The following RGS3 variants were observed in gnomAD, a reference collection of about 807,000 sequenced individuals.
RGS3 encodes regulator of G-protein signalling 3.
In RGS3, 80 loss-of-function variants were observed where a neutral mutation model predicts 132.6. That is an observed-to-expected ratio of 0.60 (90% CI 0.50 to 0.73). The LOEUF is 0.73. Ranked by LOEUF, RGS3 falls within the 30% of genes least tolerant of loss-of-function variation. The pLI is 0.00. For synonymous variants in RGS3, 598 were observed against 620.6 expected (o/e 0.96, Z 0.54); for missense variants, 1,382 against 1,530.8 (o/e 0.90, Z 1.62).
intron 3 of RGS3, among the ~76,000 whole-genome samples, chr9:113,476,619 C>A (rs1355833036): frequency 1.3e-5 from 2 of 152,198 alleles, no homozygotes; most frequent in Non-Finnish European, 1.5e-5. Context: ...CAGTGTGGTG[C>A]AAACTCATCT....
intron 3 of RGS3, among the ~76,000 whole-genome samples, chr9:113,468,191 A>T (rs1202879606): frequency 6.6e-6 from 1 of 152,206 alleles, no homozygotes; most frequent in Non-Finnish European, 1.5e-5. Flanking sequence ...TTTGGCTCTT[A>T]TATTTAGGTC....
intron 23 of RGS3, 111 bp downstream of exon 21, chr9:113,595,091 C>A: frequency 2.0e-6 from 2 of 1,018,470 alleles, no homozygotes; most frequent in Non-Finnish European, 3.0e-6. Flanking sequence ...TCTCCTCGGC[C>A]GTCAGGGTGT....
rs1831130751 is a variant in RGS3 at position 113,506,322 on chromosome 9, C to G, written c.980-66C>G. 1.0e-6 allele frequency: 1 copy of G among 998,634 alleles called. No individual in the cohort carries two copies. The highest frequency in any genetic ancestry group is 1.5e-6 in the Non-Finnish European group (1 of 646,300). 61.9% of individuals were successfully genotyped at this position (998,634 alleles called of 1,614,324 possible). A position where few individuals can be genotyped will look rare whatever the true frequency, so the allele number is the denominator to read the frequency against. ...CTGAGGTCACCATGGCAGCAAAGGA[C>G]TCCAGATCCTTTGAAGGGGTCTTAG... On this transcript the variant is annotated intron_variant, in intron 11 of 24. Coordinates refer to ENST00000350696, the Ensembl canonical transcript of RGS3. The surrounding 1 kb of genome is among the most constrained non-coding windows in gnomAD (Gnocchi z 4.7).
intron 15 of RGS3, among the ~76,000 whole-genome samples, chr9:113,516,202 A>T (rs1831651844): frequency 6.6e-6 from 1 of 152,188 alleles, no homozygotes; most frequent in Non-Finnish European, 1.5e-5. Flanking sequence ...CAGTAGGCAC[A>T]CTTTGTTAGG....
At chr9:113,578,569 T>A (rs1352246387) in intron 19 of RGS3, among the ~76,000 whole-genome samples, 1 of 151,682 alleles carries the variant, frequency 6.6e-6, no homozygotes, top group Non-Finnish European at 1.5e-5. Flanking sequence ...TCTGAGCTGG[T>A]GGCGGAGGAA....
chr9:113,537,410 G>A lies in RGS3; in HGVS notation c.2037+492G>A, dbSNP rs1386921105. ...TGAGTGTGGACTGCTGGGGTCTGGG[G>A]ACTGGCTGGCAGGAGCACCGGGGAA... is the stretch of plus-strand genomic sequence containing the variant. On this transcript the variant is annotated intron_variant, in intron 19 of 24. Coordinates refer to ENST00000350696, the Ensembl canonical transcript of RGS3. This position sits in a 1 kb window ranked among gnomAD's most constrained non-coding sequence, Gnocchi z 4.3. 6.6e-6 allele frequency among the ~76,000 whole-genome samples: 1 copy of A among 152,178 alleles called. No individual in the cohort carries two copies. The highest frequency in any genetic ancestry group is 1.5e-5 in the Non-Finnish European group (1 of 68,016).
chr9:113,541,386 G>T (rs768695309), intron 19 of RGS3: 9 of 1,613,684 alleles, frequency 5.6e-6, no homozygotes, highest in African/African-American at 1.3e-5. Context: ...TGCCACCCAG[G>T]ATAGAAGCTT....
intron 7 of RGS3, among the ~76,000 whole-genome samples, chr9:113,493,163 C>T (rs1830574147): frequency 6.6e-6 from 1 of 152,186 alleles, no homozygotes; most frequent in Non-Finnish European, 1.5e-5. Flanking sequence ...AATGGCAGCT[C>T]AGATTAGTTT....
intron 1 of RGS3, among the ~76,000 whole-genome samples, chr9:113,460,920 C>T (rs1003806377): frequency 2.6e-5 from 4 of 151,984 alleles, no homozygotes; most frequent in East Asian, 1.9e-4. Context: ...AATCATTGCT[C>T]GATACTTTAT....
rs933519268 is a variant in RGS3, at chr9:113,498,064, A to G, written c.881A>G (p.Asn294Ser). ...ATGCCAGGAGGTGGGGACACTGAGA[A>G]TGGGAAGAAACTAAAGGTAGGTGGG... is the stretch of plus-strand genomic sequence containing the variant. Residue 294 changes from asparagine to serine, a missense_variant, in exon 10 of 25, where the codon AAT becomes AGT. Coordinates refer to ENST00000350696, the Ensembl canonical transcript of RGS3. The G allele has an allele frequency of 3.7e-6, 6 of 1,613,846 alleles. No homozygotes were observed. The Admixed American group carries it at 5.0e-5, about 13-fold the overall frequency.
At chr9:113,468,026 A>G (rs1417672325) in intron 3 of RGS3, among the ~76,000 whole-genome samples, 1 of 152,250 alleles carries the variant, frequency 6.6e-6, no homozygotes, top group African/African-American at 2.4e-5. Context: ...GTGTCCAGCC[A>G]GAACCCCAAA....
chr9:113,576,628 C>T (rs976057867), intron 19 of RGS3, among the ~76,000 whole-genome samples: 7 of 152,168 alleles, frequency 4.6e-5, no homozygotes, highest in South Asian at 4.1e-4. Flanking sequence ...CCGCACCCAG[C>T]GATTGTTCTT....
At chr9:113,501,705 C>T in intron 10 of RGS3, 1 of 1,410,452 alleles carries the variant, frequency 7.1e-7, no homozygotes, top group Non-Finnish European at 9.7e-7. Context: ...TGAGAAGGAT[C>T]TCGCTCCTCA....
At chr9:113,520,734 G>A (rs1479698945) in intron 16 of RGS3, among the ~76,000 whole-genome samples, 2 of 151,740 alleles carry the variant, frequency 1.3e-5, no homozygotes, top group Admixed American at 6.6e-5. Flanking sequence ...TCCATTGCTC[G>A]GACTTTGAAG....
chr9:113,594,053 C>T (rs771389738), intron 21 of RGS3: 48 of 1,612,786 alleles, frequency 3.0e-5, no homozygotes, highest in Middle Eastern at 1.6e-4. Flanking sequence ...TTTTTTTTTC[C>T]GCTCCCCCTC....
At chr9:113,558,466 G>T (rs539823407) in intron 19 of RGS3, among the ~76,000 whole-genome samples, 2 of 152,280 alleles carry the variant, frequency 1.3e-5, no homozygotes, top group Admixed American at 1.3e-4. Flanking sequence ...TTGTGCCATT[G>T]CACTCCAGCC....
At chr9:113,541,911 T>G (rs949243170) in intron 19 of RGS3, 107 of 965,496 alleles carry the variant, frequency 1.1e-4, no homozygotes, top group Non-Finnish European at 1.3e-4. Flanking sequence ...TGCCAGGCTC[T>G]ATGCTAGGAG....
chr9:113,456,451 T>C (rs1322297553), upstream of RGS3, among the ~76,000 whole-genome samples: 1 of 152,178 alleles, frequency 6.6e-6, no homozygotes, highest in African/African-American at 2.4e-5. Flanking sequence ...TTCTAAACAA[T>C]TTCTCAAGCC....
rs764434932 is a variant in RGS3 at position 113,497,392 on chromosome 9, CG to C, written c.831del (p.Pro278ArgfsTer2). On this transcript the variant is annotated frameshift_variant, in exon 9 of 25. Transcript: ENST00000350696. LOFTEE classifies it high-confidence loss of function. The stretch of plus-strand genomic sequence containing the variant: ...CTTGAAGGTGGCCAGGCGGCGACTG[CG>C]GCCGCTGAGAGGTACCTGCACACCC... The C allele has an allele frequency of 1.9e-5, 30 of 1,613,144 alleles. No homozygotes were observed. In the South Asian group the frequency reaches 3.3e-4, roughly 18 times the overall value.
Sources: allele counts gnomAD v4.1 joint callset (sites outside exome capture counted in the v4.1 genomes callset), GRCh38; gene constraint gnomAD v4.1.1; non-coding constraint Gnocchi (gnomAD v3.1); transcripts MANE v1.5; gene names NCBI Gene and HGNC (gene_info 2026-07-23, HGNC 2026-07-21).